CGAS: variants seen among roughly 807,000 people sequenced by gnomAD.
CGAS encodes the protein cyclic GMP-AMP synthase.
CGAS carries 31 observed loss-of-function variants against 34.0 expected under a neutral mutation model. That is an observed-to-expected ratio of 0.91 (90% CI 0.69 to 1.23). The LOEUF is 1.23. Among genes scored for constraint, CGAS ranks in the 50% most tolerant of loss-of-function variants. The probability of loss-of-function intolerance (pLI) is 0.00; values close to 1 mark genes in which losing one functional copy is unlikely to be tolerated. For synonymous variants in CGAS, 266 were observed against 260.0 expected (o/e 1.02, Z -0.22); for missense variants, 597 against 657.6 (o/e 0.91, Z 1.01).
At chr6:73,425,702 GGT>G (rs1770074406) in intron 4 of CGAS, 124 bp from the exon 5 acceptor site, 1 of 636,662 alleles carries the variant, frequency 1.6e-6, no homozygotes, top group Admixed American at 3.3e-5. Context: ...GGCCGGGCGT[GGT>G]GACACAACGC....
At chr6:73,449,183 A>C (rs2150018627) in intron 1 of CGAS, among the ~76,000 whole-genome samples, 1 of 152,164 alleles carries the variant, frequency 6.6e-6, no homozygotes, top group East Asian at 1.9e-4. Flanking sequence ...TTTTAAAAAC[A>C]AAGTGGTTCT....
At chr6:73,437,137 G>A (rs1770294009) in intron 3 of CGAS, among the ~76,000 whole-genome samples, 1 of 152,044 alleles carries the variant, frequency 6.6e-6, no homozygotes, top group Admixed American at 6.6e-5. Flanking sequence ...GGGCAACAGA[G>A]CGAGACTCTG....
intron 3 of CGAS, among the ~76,000 whole-genome samples, chr6:73,437,531 T>C (rs898885122): frequency 6.6e-6 from 1 of 152,010 alleles, no homozygotes; most frequent in African/African-American, 2.4e-5. Flanking sequence ...CCTGAACCCC[T>C]GGGCTCAAGC....
chr6:73,429,684 G>A (rs1426804050), intron 3 of CGAS, among the ~76,000 whole-genome samples: 1 of 151,944 alleles, frequency 6.6e-6, no homozygotes, highest in African/African-American at 2.4e-5. Flanking sequence ...AAATTAGCCG[G>A]GCGTGGTGGC....
intron 3 of CGAS, among the ~76,000 whole-genome samples, chr6:73,434,095 C>T (rs563175023): frequency 6.6e-6 from 1 of 152,142 alleles, no homozygotes; most frequent in Non-Finnish European, 1.5e-5. Flanking sequence ...ACATTATGTA[C>T]AACAACATGG....
In CGAS at chr6:73,451,989, C is replaced by T; in HGVS notation, c.193G>A (p.Ala65Thr). The T allele has an allele frequency of 6.8e-7, 1 of 1,477,304 alleles. No individual in the cohort carries two copies. The allele number at this position is 1,477,304 out of a possible 1,614,324, so 91.5% of individuals were successfully genotyped here. A position where few individuals can be genotyped will look rare whatever the true frequency, so the allele number is the denominator to read the frequency against. Residue 65 changes from alanine to threonine, a missense_variant, in exon 1 of 5, where the codon GCC becomes ACC. Coordinates refer to ENST00000370315, the MANE Select transcript of CGAS (RefSeq NM_138441.3). ...RKSGSRQKKS[A>T]PDTQERPPVR... ...GGCGGCCTCTCCTGGGTGTCCGGGGCGCTCTTTTTCTGCCGGGATCCCGAC... is the reference window on the plus strand; with the variant it reads ...GGCGGCCTCTCCTGGGTGTCCGGGGTGCTCTTTTTCTGCCGGGATCCCGAC...
intron 3 of CGAS, among the ~76,000 whole-genome samples, chr6:73,437,904 C>T (rs1770305958): frequency 6.6e-6 from 1 of 151,824 alleles, no homozygotes; most frequent in Non-Finnish European, 1.5e-5. Context: ...CCAGTCTCTA[C>T]TAAAAATACA....
rs1770564486 is a variant in CGAS, at chr6:73,451,516, G to A, written c.657+9C>T. The A allele has an allele frequency of 6.5e-7, 1 of 1,533,916 alleles. No individual in the cohort carries two copies. Among genetic ancestry groups the A allele is most frequent in the Non-Finnish European group, 8.8e-7 (1 of 1,134,604 alleles). Reference sequence around the variant, plus strand: ...GCGGGGCTCGGCGGGAGGGCGCCAAGCAGCTCACCTTCACGTGCTCATAGT... The same window carrying A: ...GCGGGGCTCGGCGGGAGGGCGCCAAACAGCTCACCTTCACGTGCTCATAGT... On this transcript the variant is annotated intron_variant, in intron 1 of 4. Transcript: ENST00000370315.
At chr6:73,438,043 T>G (rs1770307549) in intron 3 of CGAS, among the ~76,000 whole-genome samples, 1 of 152,302 alleles carries the variant, frequency 6.6e-6, no homozygotes, top group East Asian at 1.9e-4. Context: ...CACTCCAGCC[T>G]GGGCGACACA....
At chr6:73,439,906 G>A (rs1770346495) in intron 3 of CGAS, 1 of 291,810 alleles carries the variant, frequency 3.4e-6, no homozygotes, top group Non-Finnish European at 6.5e-6. Flanking sequence ...AGTAGAAGGA[G>A]CCTCAGGATT....
intron 2 of CGAS, among the ~76,000 whole-genome samples, chr6:73,444,700 A>T (rs1013320766): frequency 5.3e-5 from 8 of 152,188 alleles, no homozygotes; most frequent in Non-Finnish European, 1.5e-5. Flanking sequence ...CTGGCTTCTA[A>T]GGACAGATAT....
In CGAS at chr6:73,452,081, G is replaced by T; in HGVS notation, c.101C>A (p.Pro34His). Reference sequence around the variant, plus strand: ...CTCGGGGGCAGCCGGAGACTCGGTGGGATCCATCGGGGCGCCCCTGGCATT... The same window carrying T: ...CTCGGGGGCAGCCGGAGACTCGGTGTGATCCATCGGGGCGCCCCTGGCATT... Reference protein sequence around the residue: ...ARNARGAPMDPTESPAAPEAA... With the variant: ...ARNARGAPMDHTESPAAPEAA... Residue 34 changes from proline to histidine, a missense_variant, in exon 1 of 5, where the codon CCC becomes CAC. Physicochemically the swap from Pro to His is moderately conservative, Grantham distance 77 (BLOSUM62 -2). Around this residue, in one of 3 missense-constraint regions of CGAS, gnomAD observed 321 missense variants for 314.3 expected, o/e 1.02. Transcript: ENST00000370315. 1 of 1,572,190 alleles carries T rather than the reference G, an allele frequency of 6.4e-7. No homozygotes were observed. The highest frequency in any genetic ancestry group is 1.9e-5 in the Admixed American group (1 of 53,104).
intron 2 of CGAS, among the ~76,000 whole-genome samples, chr6:73,442,599 T>C (rs79512730): frequency 7.7e-6 from 1 of 129,796 alleles, no homozygotes; most frequent in Admixed American, 7.6e-5. Context: ...TTTTCTTTCT[T>C]TTTTTTTTTT....
chr6:73,443,432 G>A (rs1770417085), intron 2 of CGAS, among the ~76,000 whole-genome samples: 1 of 151,606 alleles, frequency 6.6e-6, no homozygotes. Flanking sequence ...TCAAGACGGG[G>A]TTTCACCATC....
chr6:73,429,458 T>G (rs1770146507), intron 3 of CGAS, among the ~76,000 whole-genome samples: 1 of 152,200 alleles, frequency 6.6e-6, no homozygotes, highest in Non-Finnish European at 1.5e-5. Flanking sequence ...GTACCATCCT[T>G]ACAGGTTTTA....
At chr6:73,442,173 C>T (rs1770390250) in intron 2 of CGAS, among the ~76,000 whole-genome samples, 1 of 151,826 alleles carries the variant, frequency 6.6e-6, no homozygotes. Context: ...GTGCCTGGCC[C>T]TCCATCTACC....
chr6:73,436,878 C>T (rs767988836), intron 3 of CGAS, among the ~76,000 whole-genome samples: 3 of 152,092 alleles, frequency 2.0e-5, no homozygotes, highest in Non-Finnish European at 4.4e-5. Context: ...AGGCCAGGCA[C>T]GGTGGCTCAC....
At chr6:73,426,560 C>G (rs1346698540) in intron 4 of CGAS, among the ~76,000 whole-genome samples, 3 of 150,818 alleles carry the variant, frequency 2.0e-5, no homozygotes, top group Non-Finnish European at 4.4e-5. Flanking sequence ...ACTCTGTCAC[C>G]CAGGCTGGGA....
At chr6:73,450,514 C>G (rs1349400392) in intron 1 of CGAS, among the ~76,000 whole-genome samples, 8 of 152,108 alleles carry the variant, frequency 5.3e-5, no homozygotes, top group Non-Finnish European at 1.2e-4. Flanking sequence ...TCTAAACTTT[C>G]AATTTACACA....
Sources: allele counts gnomAD v4.1 joint callset (sites outside exome capture counted in the v4.1 genomes callset), GRCh38; gene constraint gnomAD v4.1.1; regional missense constraint gnomAD v4.1.1; transcripts MANE v1.5; gene names NCBI Gene and HGNC (gene_info 2026-07-23, HGNC 2026-07-21).